The following P2RX4 variants were observed in gnomAD, a reference collection of about 807,000 sequenced individuals.
P2RX4 encodes P2X purinoceptor 4.
A neutral mutation model predicts 48.0 loss-of-function variants in P2RX4; 37 were observed. The ratio of observed to expected loss-of-function variants is 0.77; its 90% CI spans 0.59 to 1.01. The LOEUF (loss-of-function observed/expected upper bound fraction) is 1.01. Ranked by LOEUF, P2RX4 falls within the 50% of genes least tolerant of loss-of-function variation. The probability of loss-of-function intolerance (pLI) is 0.00; values close to 1 mark genes in which losing one functional copy is unlikely to be tolerated. For synonymous variants in P2RX4, 200 were observed against 199.7 expected (o/e 1.00, Z -0.01); for missense variants, 501 against 521.4 (o/e 0.96, Z 0.38).
In P2RX4 at chr12:121,229,240, A is replaced by G; in HGVS notation, c.884+141A>G. 1 of 1,052,264 alleles carries G rather than the reference A, an allele frequency of 9.5e-7. No individual in the cohort carries two copies. 65.2% of individuals were successfully genotyped at this position (1,052,264 alleles called of 1,614,324 possible). ...CCGGTCCCCCGTCCAAGGCGGCGGG[A>G]AGGCCATGCTGGGAAAATGCCCTTA... is the stretch of plus-strand genomic sequence containing the variant. On this transcript the variant is annotated intron_variant, in intron 8 of 11. Coordinates refer to ENST00000337233, the MANE Select transcript of P2RX4 (RefSeq NM_002560.3). This position sits in a 1 kb window ranked among gnomAD's most constrained non-coding sequence, Gnocchi z 4.6.
At chr12:121,219,710 G>GAAAGA (rs1566002060) in intron 2 of P2RX4, among the ~76,000 whole-genome samples, 1 of 151,832 alleles carries the variant, frequency 6.6e-6, no homozygotes, top group Non-Finnish European at 1.5e-5. Context: ...GAAAGGGAAA[G>GAAAGA]AAAGAAAAGA....
Position 121,229,219 on chromosome 12 carries a change from T to A in P2RX4, c.884+120T>A. 2 of 1,263,812 alleles carry A rather than the reference T, an allele frequency of 1.6e-6. No individual in the cohort carries two copies. The highest frequency in any genetic ancestry group is 2.3e-6 in the Non-Finnish European group (2 of 881,176). The allele number at this position is 1,263,812 out of a possible 1,614,324, so 78.3% of individuals were successfully genotyped here. A position where few individuals can be genotyped will look rare whatever the true frequency, so the allele number is the denominator to read the frequency against. On this transcript the variant is annotated intron_variant, in intron 8 of 11. Transcript: ENST00000337233. This position sits in a 1 kb window ranked among gnomAD's most constrained non-coding sequence, Gnocchi z 4.6. The stretch of plus-strand genomic sequence containing the variant: ...CAGCACCCCAAGGGCAGGCTGCCGG[T>A]CCCCCGTCCAAGGCGGCGGGAAGGC...
chr12:121,223,226 C>A (rs912745487), intron 5 of P2RX4, 183 bp downstream of exon 5: 1 of 578,420 alleles, frequency 1.7e-6, no homozygotes. Flanking sequence ...AGGCACCCAC[C>A]ACCACGCCCA....
chr12:121,211,549 G>A (rs1885852236), intron 1 of P2RX4, among the ~76,000 whole-genome samples: 1 of 152,126 alleles, frequency 6.6e-6, no homozygotes, highest in South Asian at 2.1e-4. Context: ...TGCCACCTGG[G>A]GCCACTTTAA....
In P2RX4 at chr12:121,222,180, G is replaced by A. The variant is rs1445140007; in HGVS notation, c.427+14G>A. On this transcript the variant is annotated intron_variant, in intron 4 of 11. Coordinates refer to ENST00000337233, the MANE Select transcript of P2RX4 (RefSeq NM_002560.3). ...CCCACAGCAACGGTACGAGCTTGTG[G>A]CCTCCTGGGGAGGGCGGCCCCTGAG... The A allele has an allele frequency of 6.3e-7, 1 of 1,589,686 alleles. No homozygotes were observed. The highest frequency in any genetic ancestry group is 8.6e-7 in the Non-Finnish European group (1 of 1,158,210).
At chr12:121,224,708 T>G (rs1045956696) in intron 5 of P2RX4, among the ~76,000 whole-genome samples, 5 of 152,094 alleles carry the variant, frequency 3.3e-5, no homozygotes, top group African/African-American at 1.2e-4. Context: ...TGTAATTGGC[T>G]GTGCTTCATG....
rs117660703 is a variant in P2RX4, at chr12:121,220,873, A to G, written c.283-1040A>G. Among the ~76,000 whole-genome samples the G allele has an allele frequency of 3.0e-3, 449 of 152,154 alleles. 7 individuals carry two copies. In the East Asian group the frequency reaches 0.039, roughly 13 times the overall value. Reference sequence around the variant, plus strand: ...TGACTGTTCTGGAAATTTCACATCAATGTAATGGTATCCTGTGTGGCCTTT... The same window carrying G: ...TGACTGTTCTGGAAATTTCACATCAGTGTAATGGTATCCTGTGTGGCCTTT... On this transcript the variant is annotated intron_variant, in intron 2 of 11. Transcript: ENST00000337233.
At position 121,228,859 on chromosome 12, in the gene P2RX4, C is replaced by T. The variant is rs1161716596; in HGVS notation, c.740C>T (p.Ala247Val). The T allele has an allele frequency of 6.2e-7, 1 of 1,614,140 alleles. No individual in the cohort carries two copies. Among genetic ancestry groups the T allele is most frequent in the Non-Finnish European group, 8.5e-7 (1 of 1,180,036 alleles). ...ENAGHSFQDM[A>V]VEGGIMGIQV... ...GCAGGACACAGTTTCCAGGACATGG[C>T]CGTGGAGGTGGGTGCGGGCCCTGGC... Residue 247 changes from alanine to valine, a missense_variant, in exon 7 of 12, where the codon GCC (alanine) becomes GTC (valine). Around this residue, in one of 3 missense-constraint regions of P2RX4, gnomAD observed 197 missense variants for 219.5 expected, o/e 0.90. Coordinates refer to ENST00000337233, the MANE Select transcript of P2RX4 (RefSeq NM_002560.3).
chr12:121,220,369 C>T (rs1382606593), intron 2 of P2RX4, among the ~76,000 whole-genome samples: 1 of 152,010 alleles, frequency 6.6e-6, no homozygotes, highest in East Asian at 1.9e-4. Flanking sequence ...GGCACAGTGG[C>T]TCATGCTTGT....
chr12:121,219,828 T>TTAGATAGACAGA (rs1276103526), intron 2 of P2RX4, among the ~76,000 whole-genome samples: 4 of 150,220 alleles, frequency 2.7e-5, no homozygotes, highest in Non-Finnish European at 4.4e-5. Context: ...ATAGGATAGA[T>TTAGATAGACAGA]TAGATAGATA....
intron 1 of P2RX4, chr12:121,212,824 A>ATATATATATATATTTTTTT (rs370835501): frequency 6.2e-5 from 2 of 32,258 alleles, no homozygotes; most frequent in Non-Finnish European, 9.6e-5. Flanking sequence ...ATATATATAT[A>ATATATATATATATTTTTTT]TTTTTTTTTT....
At chr12:121,230,424 G>A (rs753046963) in intron 8 of P2RX4, among the ~76,000 whole-genome samples, 3 of 152,212 alleles carry the variant, frequency 2.0e-5, no homozygotes, top group African/African-American at 4.8e-5. Flanking sequence ...ATCCCTGGGC[G>A]CGGTCAGCGG....
chr12:121,221,803 G>A, intron 2 of P2RX4, 110 bp from the exon 3 acceptor site: 1 of 838,706 alleles, frequency 1.2e-6, no homozygotes, highest in Non-Finnish European at 2.1e-6. Flanking sequence ...GGAGAGAGCG[G>A]GAGAGCACGC....
intron 1 of P2RX4, chr12:121,216,135 G>A (rs548524371): frequency 4.6e-5 from 7 of 152,298 alleles, no homozygotes; most frequent in Admixed American, 1.3e-4. Flanking sequence ...ATCTCATAAC[G>A]TTTTAAGAAA....
At chr12:121,212,254 C>A (rs901086136) in intron 1 of P2RX4, among the ~76,000 whole-genome samples, 3 of 152,078 alleles carry the variant, frequency 2.0e-5, no homozygotes, top group Non-Finnish European at 4.4e-5. Context: ...GATGGCTTTC[C>A]AGGTGCAGAC....
chr12:121,229,116 G>A lies in P2RX4; in HGVS notation c.884+17G>A. On this transcript the variant is annotated intron_variant, in intron 8 of 11. Transcript: ENST00000337233. The surrounding 1 kb of genome is among the most constrained non-coding windows in gnomAD (Gnocchi z 4.6). ...CAATTTCAGGTGGGCGTGAGCTTGG[G>A]CCCCTCGCTCATGTTGTAGGGGGTG... is the stretch of plus-strand genomic sequence containing the variant. The A allele has an allele frequency of 6.2e-7, 1 of 1,613,950 alleles. No homozygotes were observed. Among genetic ancestry groups the A allele is most frequent in the Non-Finnish European group, 8.5e-7 (1 of 1,179,980 alleles).
At chr12:121,226,398 G>C (rs1479647960) in intron 5 of P2RX4, among the ~76,000 whole-genome samples, 1 of 151,654 alleles carries the variant, frequency 6.6e-6, no homozygotes, top group Non-Finnish European at 1.5e-5. Flanking sequence ...ATAAAAATTA[G>C]CCAGGCGTGG....
At chr12:121,230,028 A>C in intron 8 of P2RX4, among the ~76,000 whole-genome samples, 1 of 152,192 alleles carries the variant, frequency 6.6e-6, no homozygotes, top group East Asian at 1.9e-4. Context: ...AACCCACTAC[A>C]GCTGATGATC....
rs371167689 is a variant in P2RX4, at chr12:121,221,993, C to G, written c.354+9C>G. On this transcript the variant is annotated intron_variant, in intron 3 of 11. Transcript: ENST00000337233. ...AGGGCCTGTGCCCCGAGGTAGGAGG[C>G]CCCCGGGAAGAGCCCCAGGCCCCAC... is the stretch of plus-strand genomic sequence containing the variant. 3.7e-6 allele frequency: 6 copies of G among 1,612,668 alleles called. No individual in the cohort carries two copies. The African/African-American group carries it at 8.0e-5, about 22-fold the overall frequency.
Sources: gnomAD v4.1 joint callset for allele counts (sites outside exome capture counted in the v4.1 genomes callset) on GRCh38, gnomAD v4.1.1 for gene constraint, gnomAD v4.1.1 regional missense constraint, Gnocchi (gnomAD v3.1) non-coding constraint, MANE v1.5 for transcripts, NCBI Gene and HGNC (gene_info 2026-07-23, HGNC 2026-07-21) for gene names.